Variants in CA10 observed in about 807,000 individuals in gnomAD.
The protein encoded by CA10 is carbonic anhydrase-related protein 10.
A neutral mutation model predicts 44.2 loss-of-function variants in CA10; 14 were observed. The observed-to-expected ratio is 0.32, with a 90% CI of 0.21 to 0.50. The LOEUF is 0.50. Among genes scored for constraint, CA10 ranks in the 20% least tolerant of loss-of-function variants. The pLI is 0.99. For synonymous variants in CA10, 159 were observed against 141.6 expected (o/e 1.12, Z -0.87); for missense variants, 350 against 409.7 (o/e 0.85, Z 1.26).
intron 1 of CA10, among the ~76,000 whole-genome samples, chr17:52,120,707 C>G (rs1988998064): frequency 6.6e-6 from 1 of 152,100 alleles, no homozygotes; most frequent in South Asian, 2.1e-4. Context: ...TGCACTGGGT[C>G]AATGGGGTGG....
intron 2 of CA10, among the ~76,000 whole-genome samples, chr17:51,985,765 A>T (rs1465649781): frequency 6.6e-6 from 1 of 152,076 alleles, no homozygotes; most frequent in Non-Finnish European, 1.5e-5. Flanking sequence ...ATAGCTATAA[A>T]AAAACAAAAA....
chr17:51,874,658 TCTTC>T (rs1979972307), intron 3 of CA10, among the ~76,000 whole-genome samples: 1 of 152,148 alleles, frequency 6.6e-6, no homozygotes, highest in Admixed American at 6.5e-5. Context: ...GATACTCAGC[TCTTC>T]CTTGTTTTGT....
At chr17:51,845,569 A>G (rs1978456665) in intron 3 of CA10, among the ~76,000 whole-genome samples, 1 of 152,244 alleles carries the variant, frequency 6.6e-6, no homozygotes, top group African/African-American at 2.4e-5. Context: ...TTATGCATCA[A>G]TAAACAACTA....
chr17:51,859,759 A>G (rs1445739802), intron 3 of CA10, among the ~76,000 whole-genome samples: 1 of 152,182 alleles, frequency 6.6e-6, no homozygotes, highest in African/African-American at 2.4e-5. Context: ...GTGATGCAAA[A>G]GGGCATTGTA....
At chr17:52,058,625 A>G (rs1227367334) in intron 2 of CA10, among the ~76,000 whole-genome samples, 1 of 152,186 alleles carries the variant, frequency 6.6e-6, no homozygotes, top group Non-Finnish European at 1.5e-5. Context: ...TCTGTTATTA[A>G]GTAGCAGTTC....
rs1483322599 is a variant in CA10, at chr17:51,898,682, G to C, written c.279+32308C>G. ...TGGCTGTGAATTCATCTGGTCCTGG[G>C]CTTTGTCTGGTTGATAGGCTTTTTA... On this transcript the variant is annotated intron_variant, in intron 3 of 8. Transcript: ENST00000451037. Among the ~76,000 whole-genome samples, 5 of 152,162 alleles carry C rather than the reference G, an allele frequency of 3.3e-5. No homozygotes were observed. In the East Asian group the frequency reaches 9.7e-4, roughly 29 times the overall value.
At chr17:51,937,119 T>C (rs775432674) in intron 2 of CA10, among the ~76,000 whole-genome samples, 4 of 152,126 alleles carry the variant, frequency 2.6e-5, no homozygotes, top group Non-Finnish European at 4.4e-5. Context: ...CAAATGAAAG[T>C]TGGGAAAATG....
At chr17:52,157,504 C>G (rs1021293217) in intron 1 of CA10, among the ~76,000 whole-genome samples, 2 of 148,660 alleles carry the variant, frequency 1.3e-5, no homozygotes, top group Non-Finnish European at 3.0e-5. Flanking sequence ...CTTCACCCTT[C>G]TAGGACTGCA....
chr17:51,754,432 T>G (rs1223589551), intron 3 of CA10, among the ~76,000 whole-genome samples: 1 of 122,554 alleles, frequency 8.2e-6, no homozygotes, highest in Non-Finnish European at 1.7e-5. Flanking sequence ...TATATATATA[T>G]ATATATATAT....
chr17:51,885,820 C>T (rs1980574477), intron 3 of CA10, among the ~76,000 whole-genome samples: 1 of 152,184 alleles, frequency 6.6e-6, no homozygotes, highest in African/African-American at 2.4e-5. Context: ...ATGCTAAACA[C>T]CTGTTGACCA....
At chr17:51,658,133 C>T (rs1015074768) in intron 4 of CA10, among the ~76,000 whole-genome samples, 1 of 152,184 alleles carries the variant, frequency 6.6e-6, no homozygotes, top group Admixed American at 6.5e-5. Context: ...ATGGCTGGTG[C>T]CATGATGCAG....
chr17:52,066,277 G>A (rs1375432246), intron 2 of CA10, among the ~76,000 whole-genome samples: 1 of 152,164 alleles, frequency 6.6e-6, no homozygotes, highest in African/African-American at 2.4e-5. Context: ...GAAAGATGTG[G>A]GAACTTCCTA....
chr17:51,927,779 T>C (rs1053054482), intron 3 of CA10, among the ~76,000 whole-genome samples: 7 of 152,164 alleles, frequency 4.6e-5, no homozygotes, highest in African/African-American at 1.2e-4. Context: ...TAAAACATCA[T>C]TTATATCATA....
At chr17:52,006,314 A>C (rs1985595828) in intron 2 of CA10, among the ~76,000 whole-genome samples, 1 of 151,874 alleles carries the variant, frequency 6.6e-6, no homozygotes, top group Non-Finnish European at 1.5e-5. Context: ...AAAATATTTA[A>C]ATAAAATTGG....
rs1916703067 is a variant in CA10 at position 51,731,194 on chromosome 17, T to C, written c.465+16439A>G. ...GAGATGGAGACCATCGTGGCCAACA[T>C]GGTGAAACCCCATCTCTACTAAAAA... On this transcript the variant is annotated intron_variant, in intron 4 of 8. Transcript: ENST00000451037. Among the ~76,000 whole-genome samples, 3 of 152,130 alleles carry C rather than the reference T, an allele frequency of 2.0e-5. No homozygotes were observed. In the South Asian group the frequency reaches 6.2e-4, roughly 32 times the overall value.
intron 3 of CA10, among the ~76,000 whole-genome samples, chr17:51,876,700 T>C (rs1311866459): frequency 2.0e-5 from 3 of 152,066 alleles, no homozygotes; most frequent in Non-Finnish European, 4.4e-5. Flanking sequence ...AAGACTTCAG[T>C]GAAGAATTCA....
intron 3 of CA10, among the ~76,000 whole-genome samples, chr17:51,878,893 G>GGTGTGT (rs375444434): frequency 0.057 from 2,972 of 52,240 alleles, 389 homozygotes; most frequent in African/African-American, 0.087. Flanking sequence ...TATATATATG[G>GGTGTGT]GTGTGTGTGT....
intron 3 of CA10, among the ~76,000 whole-genome samples, chr17:51,871,507 T>C (rs1310690815): frequency 6.6e-6 from 1 of 150,598 alleles, no homozygotes; most frequent in African/African-American, 2.4e-5. Context: ...CCCAAAGTGT[T>C]GGGATTACAG....
At chr17:51,672,553 C>T (rs1229381261) in intron 4 of CA10, among the ~76,000 whole-genome samples, 1 of 152,140 alleles carries the variant, frequency 6.6e-6, no homozygotes, top group Non-Finnish European at 1.5e-5. Context: ...GGGACCAAAA[C>T]TTAGAGGTTA....
Sources: allele counts gnomAD v4.1 joint callset (sites outside exome capture counted in the v4.1 genomes callset), GRCh38; gene constraint gnomAD v4.1.1; transcripts MANE v1.5; gene names NCBI Gene and HGNC (gene_info 2026-07-23, HGNC 2026-07-21).